The following SLC35E1 variants were observed in gnomAD, a reference collection of about 807,000 sequenced individuals.
SLC35E1 encodes the protein solute carrier family 35, member E1.
In SLC35E1, 12 loss-of-function variants were observed where a neutral mutation model predicts 31.0. The ratio of observed to expected loss-of-function variants is 0.39; its 90% CI spans 0.25 to 0.63. SLC35E1 has a LOEUF of 0.63. Among genes scored for constraint, SLC35E1 ranks in the 20% least tolerant of loss-of-function variants. The pLI is 0.52. For synonymous variants in SLC35E1, 257 were observed against 264.1 expected, an observed-to-expected ratio of 0.97 and a Z score of 0.26; for missense variants, 429 against 572.2, an observed-to-expected ratio of 0.75 and a Z score of 2.55.
At chr19:16,565,004 C>A in intron 4 of SLC35E1, 1 of 417,894 alleles carries the variant, frequency 2.4e-6, no homozygotes, top group South Asian at 1.7e-5. Flanking sequence ...ACAAATCCAG[C>A]TAGACCACAT....
chr19:16,558,326 G>T (rs1194692180), intron 4 of SLC35E1, among the ~76,000 whole-genome samples: 1 of 149,350 alleles, frequency 6.7e-6, no homozygotes, highest in Non-Finnish European at 1.5e-5. Flanking sequence ...CTACAGGTGT[G>T]AGCCACCACA....
At chr19:16,561,274 G>A (rs1465772698) in intron 4 of SLC35E1, among the ~76,000 whole-genome samples, 3 of 147,068 alleles carry the variant, frequency 2.0e-5, no homozygotes, top group Non-Finnish European at 3.0e-5. Flanking sequence ...GCCTAACAGG[G>A]GATTTCCTCC....
intron 2 of SLC35E1, among the ~76,000 whole-genome samples, chr19:16,569,969 G>A (rs2122351526): frequency 6.6e-6 from 1 of 152,338 alleles, no homozygotes; most frequent in Admixed American, 6.5e-5. Context: ...ATCAGGCTGT[G>A]GCCCTCAGGC....
intron 4 of SLC35E1, among the ~76,000 whole-genome samples, chr19:16,563,861 G>C (rs1471285267): frequency 6.6e-6 from 1 of 152,220 alleles, no homozygotes; most frequent in Non-Finnish European, 1.5e-5. Flanking sequence ...AATTATATGA[G>C]TGAGTGTACA....
chr19:16,565,814 C>CTTTTTTTT (rs536769066), intron 4 of SLC35E1: 1 of 69,302 alleles, frequency 1.4e-5, no homozygotes, highest in Non-Finnish European at 2.5e-5. Context: ...CTGCGCCCGG[C>CTTTTTTTT]TTTTTTTTTT....
chr19:16,561,240 A>AAAAG (rs1320269596), intron 4 of SLC35E1, among the ~76,000 whole-genome samples: 27 of 128,856 alleles, frequency 2.1e-4, no homozygotes, highest in African/African-American at 7.6e-4. Flanking sequence ...AAAAAAAAAA[A>AAAAG]AAAGAAAGAA....
chr19:16,570,666 C>T (rs1327048219), intron 2 of SLC35E1, among the ~76,000 whole-genome samples: 1 of 152,210 alleles, frequency 6.6e-6, no homozygotes, highest in Admixed American at 6.5e-5. Context: ...GTGCCACTTT[C>T]GCTTCCGTTC....
Position 16,571,529 on chromosome 19 carries a change from C to G in SLC35E1, c.475G>C (p.Glu159Gln), listed in dbSNP as rs1236091088. The G allele has an allele frequency of 1.9e-6, 3 of 1,613,998 alleles. No individual in the cohort carries two copies. Among genetic ancestry groups the G allele is most frequent in the Non-Finnish European group, 2.5e-6 (3 of 1,179,958 alleles). Residue 159 changes from glutamate (E) to glutamine (Q), a missense_variant, in exon 2 of 6, where the codon GAG (glutamate) becomes CAG (glutamine). By Grantham distance (29) the Glu-to-Gln change is conservative (BLOSUM62 2). Transcript: ENST00000595753. ...VVLLSRIIMK[E>Q]KQSTKVYLSL... ...GGGGTTACCTTGGTGCTCTGCTTCT[C>G]CTTCATAATGATCCGGGACAGGAGG...
chr19:16,559,726 A>T (rs757249290), intron 4 of SLC35E1, among the ~76,000 whole-genome samples: 11 of 152,118 alleles, frequency 7.2e-5, no homozygotes, highest in Non-Finnish European at 1.3e-4. Flanking sequence ...CAGAGTCTTT[A>T]CTTTGCTCCT....
chr19:16,572,345 C>G lies in SLC35E1; in HGVS notation c.20G>C (p.Gly7Ala), dbSNP rs2085964958. The change falls in exon 1 of 6, where the codon GGC becomes GCC. Residue 7 changes from glycine (G) to alanine (A), a missense_variant. Gly to Ala is a moderately conservative substitution (Grantham distance 60). Transcript: ENST00000595753. This position sits in a 1 kb window ranked among gnomAD's most constrained non-coding sequence, Gnocchi z 4.1. ...CGGGCCCCCCGCGCCGTGGCCCGCGCCCACCGCGGCCGCCGCCATCCTGCC... is the reference window on the plus strand; with the variant it reads ...CGGGCCCCCCGCGCCGTGGCCCGCGGCCACCGCGGCCGCCGCCATCCTGCC... MAAAAV[G>A]AGHGAGGPGA... The G allele has an allele frequency of 9.5e-7, 1 of 1,050,028 alleles. No homozygotes were observed. The highest frequency in any genetic ancestry group is 1.2e-6 in the Non-Finnish European group (1 of 868,580). The allele number at this position is 1,050,028 out of a possible 1,614,324, so 65.0% of individuals were successfully genotyped here.
chr19:16,571,718 C>T (rs2085959675), intron 1 of SLC35E1, 136 bp from the exon 2 acceptor site: 3 of 1,003,184 alleles, frequency 3.0e-6, no homozygotes, highest in African/African-American at 3.2e-5. Context: ...GGGCTTCCTC[C>T]TGCCACGGCT....
intron 2 of SLC35E1, 136 bp downstream of exon 2, chr19:16,571,376 A>G: frequency 1.2e-6 from 1 of 816,574 alleles, no homozygotes; most frequent in Middle Eastern, 2.3e-4. Context: ...AGGCCACTGG[A>G]GACCTCTACA....
chr19:16,568,779 A>G (rs1325850038), intron 2 of SLC35E1, among the ~76,000 whole-genome samples: 1 of 151,906 alleles, frequency 6.6e-6, no homozygotes, highest in African/African-American at 2.4e-5. Flanking sequence ...TCATCCATCC[A>G]CCTTGGCCTC....
chr19:16,553,033 A>C lies in SLC35E1; in HGVS notation c.*646T>G, dbSNP rs1052980331. 6.6e-6 allele frequency: 1 copy of C among 152,228 alleles called. No homozygotes were observed. Among genetic ancestry groups the C allele is most frequent in the Non-Finnish European group, 1.5e-5 (1 of 68,062 alleles). The allele number at this position is 152,228 out of a possible 1,614,324, so 9.4% of individuals were successfully genotyped here. ...CAGGGCAGAGCACCAGGCTGCAGGAACTGGATGCTAATTGCAATCGCTTTT... is the reference window on the plus strand; with the variant it reads ...CAGGGCAGAGCACCAGGCTGCAGGACCTGGATGCTAATTGCAATCGCTTTT... On this transcript the variant is annotated 3_prime_UTR_variant, in exon 6 of 6. Coordinates refer to ENST00000595753, the MANE Select transcript of SLC35E1 (RefSeq NM_024881.5).
chr19:16,570,867 C>A (rs939020204), intron 2 of SLC35E1, among the ~76,000 whole-genome samples: 1 of 152,084 alleles, frequency 6.6e-6, no homozygotes, highest in South Asian at 2.1e-4. Context: ...GAGGCTGAGG[C>A]GGACGGATCA....
At chr19:16,556,306 G>A (rs1433450663) in intron 4 of SLC35E1, among the ~76,000 whole-genome samples, 1 of 151,492 alleles carries the variant, frequency 6.6e-6, no homozygotes, top group African/African-American at 2.4e-5. Context: ...AAAATCATTC[G>A]AGGGCAGCCT....
intron 1 of SLC35E1, 112 bp from the exon 2 acceptor site, chr19:16,571,694 C>T: frequency 8.3e-7 from 1 of 1,209,804 alleles, no homozygotes; most frequent in Non-Finnish European, 1.2e-6. Flanking sequence ...CTCTTCGCCC[C>T]TTCTCTTTCG....
chr19:16,564,263 G>A (rs1160012603), intron 4 of SLC35E1: 1 of 152,390 alleles, frequency 6.6e-6, no homozygotes, highest in East Asian at 1.9e-4. Flanking sequence ...GAAGGGCAAG[G>A]AGCCAATCAG....
chr19:16,567,942 T>C (rs1031146085), intron 3 of SLC35E1, 90 bp downstream of exon 3: 4 of 1,445,814 alleles, frequency 2.8e-6, no homozygotes, highest in Non-Finnish European at 3.6e-6. Context: ...AGCAAAGAAA[T>C]TTCTACTCCG....
Sources: allele counts gnomAD v4.1 joint callset (sites outside exome capture counted in the v4.1 genomes callset), GRCh38; gene constraint gnomAD v4.1.1; non-coding constraint Gnocchi (gnomAD v3.1); transcripts MANE v1.5; gene names NCBI Gene and HGNC (gene_info 2026-07-23, HGNC 2026-07-21).